The following DNAI4 variants were observed in gnomAD, a reference collection of about 807,000 sequenced individuals.
DNAI4 encodes the protein WD repeat domain 78.
DNAI4 carries 85 observed loss-of-function variants against 105.8 expected under a neutral mutation model. That is an observed-to-expected ratio of 0.80 (90% CI 0.67 to 0.96). The LOEUF (loss-of-function observed/expected upper bound fraction) is 0.96, where lower values mean the gene tolerates loss of function less well. Among genes scored for constraint, DNAI4 ranks in the 40% least tolerant of loss-of-function variants. The probability of loss-of-function intolerance (pLI) is 0.00; values close to 1 mark genes in which losing one functional copy is unlikely to be tolerated. For synonymous variants in DNAI4, 352 were observed against 331.5 expected (o/e 1.06, Z -0.67); for missense variants, 1,014 against 1,005.6 (o/e 1.01, Z -0.11).
intron 6 of DNAI4, among the ~76,000 whole-genome samples, chr1:66,869,102 A>C (rs918373109): frequency 3.4e-5 from 5 of 148,952 alleles, no homozygotes; most frequent in Non-Finnish European, 7.4e-5. Flanking sequence ...ATAAATAAAT[A>C]AATCCTAGAT....
intron 4 of DNAI4, among the ~76,000 whole-genome samples, chr1:66,879,397 T>G (rs917682096): frequency 1.3e-5 from 2 of 152,248 alleles, no homozygotes; most frequent in Non-Finnish European, 2.9e-5. Flanking sequence ...TATTCCATTA[T>G]ATGGACATGC....
At chr1:66,856,321 A>C (rs992778213) in intron 7 of DNAI4, among the ~76,000 whole-genome samples, 1 of 151,784 alleles carries the variant, frequency 6.6e-6, no homozygotes, top group African/African-American at 2.4e-5. Flanking sequence ...TACAAAAAAA[A>C]AAATAGCCAG....
At chr1:66,884,295 G>A (rs927277053) in intron 4 of DNAI4, among the ~76,000 whole-genome samples, 5 of 152,158 alleles carry the variant, frequency 3.3e-5, no homozygotes, top group Admixed American at 2.6e-4. Flanking sequence ...AACATGGGAT[G>A]CAGTCAGAGA....
chr1:66,880,665 A>C (rs1459132825), intron 4 of DNAI4, among the ~76,000 whole-genome samples: 1 of 152,240 alleles, frequency 6.6e-6, no homozygotes, highest in Non-Finnish European at 1.5e-5. Context: ...TAAGGGAAGC[A>C]GAGCATAAAA....
At chr1:66,865,322 G>T (rs565229381) in intron 6 of DNAI4, among the ~76,000 whole-genome samples, 3 of 152,200 alleles carry the variant, frequency 2.0e-5, no homozygotes, top group South Asian at 2.1e-4. Context: ...TACTTGGGAG[G>T]CTGAGGCACG....
At chr1:66,920,268 T>C (rs3008854) in intron 1 of DNAI4, among the ~76,000 whole-genome samples, 118,482 of 151,986 alleles carry the variant, frequency 0.78, 46,520 homozygotes, top group East Asian at 0.88. Context: ...GAAGATTACC[T>C]TCCCGTTCTG....
intron 4 of DNAI4, among the ~76,000 whole-genome samples, chr1:66,883,750 G>A (rs1266928972): frequency 6.6e-6 from 1 of 151,790 alleles, no homozygotes; most frequent in African/African-American, 2.4e-5. Flanking sequence ...TACATTTATG[G>A]GGTACAAAGT....
intron 4 of DNAI4, among the ~76,000 whole-genome samples, chr1:66,881,166 A>T (rs960817332): frequency 6.6e-6 from 1 of 152,260 alleles, no homozygotes; most frequent in African/African-American, 2.4e-5. Flanking sequence ...CAGGGCCATC[A>T]TGGAGAAGCT....
chr1:66,912,720 A>G (rs1649755119), intron 1 of DNAI4, among the ~76,000 whole-genome samples: 2 of 152,158 alleles, frequency 1.3e-5, no homozygotes, highest in African/African-American at 4.8e-5. Context: ...TTGGCCAGAT[A>G]AACTTTCTAA....
intron 1 of DNAI4, among the ~76,000 whole-genome samples, chr1:66,910,176 G>A (rs767082761): frequency 1.3e-5 from 2 of 152,016 alleles, no homozygotes; most frequent in African/African-American, 4.8e-5. Flanking sequence ...TTATGCCACT[G>A]TACTCCAGCC....
chr1:66,819,900 CT>C (rs955324319), intron 16 of DNAI4, among the ~76,000 whole-genome samples: 4 of 151,680 alleles, frequency 2.6e-5, no homozygotes, highest in African/African-American at 9.7e-5. Flanking sequence ...ATCATAGAGA[CT>C]TTTTTTTTAA....
At position 66,874,912 on chromosome 1, in the gene DNAI4, A is replaced by G; in HGVS notation, c.669T>C (p.Pro223=). 1 of 1,611,502 alleles carries G rather than the reference A, an allele frequency of 6.2e-7. No homozygotes were observed. The highest frequency in any genetic ancestry group is 8.5e-7 in the Non-Finnish European group (1 of 1,179,204). ...FTDLQVIRAA[P]EKIVTKEDLE... ...GGTCTTCTTTTGTTACAATTTTTTCAGGTGCTGCCCTTATAACTTGCAAAT... is the reference window on the plus strand; with the variant it reads ...GGTCTTCTTTTGTTACAATTTTTTCGGGTGCTGCCCTTATAACTTGCAAAT... The change falls in exon 5 of 17, where the codon CCT becomes CCC. Residue 223 remains proline, a synonymous_variant. Coordinates refer to ENST00000371026, the MANE Select transcript of DNAI4 (RefSeq NM_024763.5).
chr1:66,836,722 T>C (rs1646033943), intron 10 of DNAI4, among the ~76,000 whole-genome samples: 1 of 152,254 alleles, frequency 6.6e-6, no homozygotes, highest in African/African-American at 2.4e-5. Flanking sequence ...TTGTGCTATA[T>C]AAACCCAGAT....
intron 5 of DNAI4, among the ~76,000 whole-genome samples, chr1:66,872,776 G>T (rs867306285): frequency 1.7e-4 from 26 of 151,560 alleles, no homozygotes; most frequent in African/African-American, 6.1e-4. Flanking sequence ...GTTGTCCAGG[G>T]TGATCTCCAC....
chr1:66,903,839 A>G (rs900407060), intron 2 of DNAI4, among the ~76,000 whole-genome samples: 2 of 152,130 alleles, frequency 1.3e-5, no homozygotes, highest in Non-Finnish European at 2.9e-5. Context: ...CCTGGCTAGG[A>G]CTGCCACTAC....
chr1:66,848,932 C>T (rs1223301063), intron 7 of DNAI4, among the ~76,000 whole-genome samples: 4 of 152,330 alleles, frequency 2.6e-5, no homozygotes, highest in East Asian at 1.9e-4. Flanking sequence ...TACACCCTCA[C>T]TAGGCTGTAA....
rs747001879 is a variant in DNAI4, at chr1:66,822,444, C to T, written c.2413G>A (p.Asp805Asn). The T allele has an allele frequency of 7.4e-6, 12 of 1,613,448 alleles. No individual in the cohort carries two copies. ...FTTILFAKQT[D>N]CLLVGDSDGQ... ...TCACTGTCTCCTACCAGAAGGCAATCTGTTTGTTTGGCAAAGAGAATGGTT... is the reference window on the plus strand; with the variant it reads ...TCACTGTCTCCTACCAGAAGGCAATTTGTTTGTTTGGCAAAGAGAATGGTT... Residue 805 changes from aspartate (D) to asparagine (N), a missense_variant, in exon 16 of 17, where the codon GAT becomes AAT. Physicochemically the swap from Asp to Asn is conservative, Grantham distance 23 (BLOSUM62 1). Coordinates refer to ENST00000371026, the MANE Select transcript of DNAI4 (RefSeq NM_024763.5).
At chr1:66,896,255 T>G (rs1398601391) in intron 2 of DNAI4, among the ~76,000 whole-genome samples, 1 of 152,234 alleles carries the variant, frequency 6.6e-6, no homozygotes, top group Non-Finnish European at 1.5e-5. Flanking sequence ...TAAAGTGTAA[T>G]TTTTTAAAAG....
chr1:66,853,696 AACTG>A (rs1399123025), intron 7 of DNAI4, among the ~76,000 whole-genome samples: 10 of 152,168 alleles, frequency 6.6e-5, no homozygotes, highest in Non-Finnish European at 1.5e-5. Flanking sequence ...CAGCAGCCCA[AACTG>A]ACTAAGACAA....
Sources: gnomAD v4.1 joint callset for allele counts (sites outside exome capture counted in the v4.1 genomes callset) on GRCh38, gnomAD v4.1.1 for gene constraint, MANE v1.5 for transcripts, NCBI Gene and HGNC (gene_info 2026-07-23, HGNC 2026-07-21) for gene names.